The following ZNF169 variants were observed in gnomAD, a reference collection of about 807,000 sequenced individuals.
ZNF169 encodes zinc finger protein 169.
ZNF169 carries 11 observed loss-of-function variants against 12.0 expected under a neutral mutation model. The ratio of observed to expected loss-of-function variants is 0.92; its 90% CI spans 0.58 to 1.52. The LOEUF (loss-of-function observed/expected upper bound fraction) is 1.52, where lower values mean the gene tolerates loss of function less well. ZNF169 is among the 40% of genes most tolerant of loss of function. The pLI is 0.00. For synonymous variants in ZNF169, 302 were observed against 286.5 expected (o/e 1.05, Z -0.55); for missense variants, 722 against 744.0 (o/e 0.97, Z 0.34).
At chr9:94,269,398 T>G (rs1273839412) in intron 1 of ZNF169, among the ~76,000 whole-genome samples, 2 of 152,112 alleles carry the variant, frequency 1.3e-5, no homozygotes, top group Admixed American at 1.3e-4. Flanking sequence ...GCCCATCCAC[T>G]CCTGATCTCC....
At chr9:94,271,718 CAAAAAA>C (rs58733917) in intron 1 of ZNF169, among the ~76,000 whole-genome samples, 2 of 64,824 alleles carry the variant, frequency 3.1e-5, no homozygotes, top group Admixed American at 1.7e-4. Context: ...GACTCTGTCT[CAAAAAA>C]AAAAAAAAAA....
At position 94,301,385 on chromosome 9, in the gene ZNF169, G is replaced by A. The variant is rs374243714; in HGVS notation, c.*15G>A. On this transcript the variant is annotated 3_prime_UTR_variant, in exon 5 of 5. Coordinates refer to ENST00000395395, the MANE Select transcript of ZNF169 (RefSeq NM_194320.4). ...AGGTCTTCTGACCTTTCCTTTCCCC[G>A]TGAGTGTGAAGCTGGCAGAAATCAC... The A allele has an allele frequency of 1.3e-5, 20 of 1,578,266 alleles. No individual in the cohort carries two copies. The African/African-American group carries it at 2.2e-4, about 17-fold the overall frequency.
intron 2 of ZNF169, among the ~76,000 whole-genome samples, chr9:94,280,543 G>A (rs535626078): frequency 3.9e-5 from 6 of 152,220 alleles, no homozygotes; most frequent in Admixed American, 6.5e-5. Context: ...TTGTTCCTCA[G>A]TGCTGCAAAG....
At chr9:94,289,184 A>C (rs1830778838) in intron 2 of ZNF169, among the ~76,000 whole-genome samples, 1 of 151,364 alleles carries the variant, frequency 6.6e-6, no homozygotes, top group Non-Finnish European at 1.5e-5. Flanking sequence ...GGATTGCTGG[A>C]GCTCAGGAGT....
At chr9:94,260,037 G>T (rs1830172324) in intron 1 of ZNF169, among the ~76,000 whole-genome samples, 1 of 151,474 alleles carries the variant, frequency 6.6e-6, no homozygotes, top group East Asian at 1.9e-4. Context: ...TCAGCCTCCC[G>T]AGCAGCTGGG....
At chr9:94,274,317 C>G (rs1830483619) in intron 1 of ZNF169, among the ~76,000 whole-genome samples, 1 of 152,110 alleles carries the variant, frequency 6.6e-6, no homozygotes, top group Non-Finnish European at 1.5e-5. Context: ...TGGAACAGCT[C>G]CAAGTCACAA....
chr9:94,270,827 TAAA>T lies in ZNF169; in HGVS notation c.-55-7929_-55-7927del, dbSNP rs1228424493. Among the ~76,000 whole-genome samples the T allele has an allele frequency of 7.0e-5, 3 of 42,592 alleles. 1 individual carries two copies. The highest frequency in any genetic ancestry group is 2.7e-4 in the African/African-American group (3 of 11,204). 27.9% of individuals were successfully genotyped at this position (42,592 alleles called of 152,430 possible). A position where few individuals can be genotyped will look rare whatever the true frequency, so the allele number is the denominator to read the frequency against. On this transcript the variant is annotated intron_variant, in intron 1 of 4. Coordinates refer to ENST00000395395, the MANE Select transcript of ZNF169 (RefSeq NM_194320.4). ...ATATATTATATTATATAAATATATA[TAAA>T]ATATATATATTATATTATATAAATA...
intron 1 of ZNF169, among the ~76,000 whole-genome samples, chr9:94,260,871 A>T (rs1830192443): frequency 8.4e-6 from 1 of 119,278 alleles, no homozygotes; most frequent in Non-Finnish European, 1.6e-5. Context: ...CCCAGGCTGG[A>T]GTGCAGTGGA....
chr9:94,271,680 A>T (rs963685476), intron 1 of ZNF169, among the ~76,000 whole-genome samples: 1 of 142,708 alleles, frequency 7.0e-6, no homozygotes, highest in African/African-American at 2.6e-5. Context: ...AGATTGTGCC[A>T]TTGCACTCCA....
intron 2 of ZNF169, among the ~76,000 whole-genome samples, chr9:94,290,531 A>G (rs771032624): frequency 7.2e-5 from 11 of 152,180 alleles, no homozygotes; most frequent in Non-Finnish European, 5.9e-5. Context: ...GTCACTTGGC[A>G]TATTTTCAAG....
rs768022096 is a variant in ZNF169 at position 94,299,910 on chromosome 9, C to G, written c.352C>G (p.Gln118Glu). The G allele has an allele frequency of 6.2e-7, 1 of 1,614,160 alleles. No homozygotes were observed. Among genetic ancestry groups the G allele is most frequent in the Non-Finnish European group, 8.5e-7 (1 of 1,180,042 alleles). ...ATATGCGCTAAGTGGCCATCCCACA[C>G]AGATCTTCCCAAGCTCATCTGCAGG... ...RQYALSGHPT[Q>E]IFPSSSAGGD... The change falls in exon 5 of 5, where the codon CAG becomes GAG. Residue 118 changes from glutamine to glutamate, a missense_variant. By Grantham distance (29) the Gln-to-Glu change is conservative. Coordinates refer to ENST00000395395, the MANE Select transcript of ZNF169 (RefSeq NM_194320.4).
At chr9:94,267,874 T>TTTA (rs1830321902) in intron 1 of ZNF169, among the ~76,000 whole-genome samples, 1 of 149,188 alleles carries the variant, frequency 6.7e-6, no homozygotes, top group African/African-American at 2.5e-5. Context: ...TTTTTTTTTT[T>TTTA]TTTTTTTTGA....
At chr9:94,293,373 G>C in intron 4 of ZNF169, 1 of 607,286 alleles carries the variant, frequency 1.6e-6, no homozygotes, top group South Asian at 2.1e-5. Flanking sequence ...CTTCAAAACA[G>C]TACCTGTCCT....
intron 4 of ZNF169, among the ~76,000 whole-genome samples, chr9:94,296,279 T>C (rs1830948898): frequency 6.6e-6 from 1 of 152,240 alleles, no homozygotes; most frequent in South Asian, 2.1e-4. Context: ...AGAAGTCCAT[T>C]ATCAGATATA....
At position 94,300,425 on chromosome 9, in the gene ZNF169, G is replaced by C. The variant is rs762779805; in HGVS notation, c.867G>C (p.Pro289=). The C allele has an allele frequency of 8.1e-6, 13 of 1,612,760 alleles. No homozygotes were observed. Among genetic ancestry groups the C allele is most frequent in the Non-Finnish European group, 1.1e-5 (13 of 1,179,658 alleles). ...AGAGGAAGCACTCGGGGGAGAAGCC[G>C]TATGTGTGCAGGGAATGTGGGCGAC... The part of the protein sequence containing the change: ...IHQRKHSGEK[P]YVCRECGRHF... Residue 289 remains proline, a synonymous_variant, in exon 5 of 5, where the codon CCG becomes CCC. Coordinates refer to ENST00000395395, the MANE Select transcript of ZNF169 (RefSeq NM_194320.4).
At chr9:94,285,891 A>T (rs1416324814) in intron 2 of ZNF169, among the ~76,000 whole-genome samples, 1 of 152,072 alleles carries the variant, frequency 6.6e-6, no homozygotes, top group Non-Finnish European at 1.5e-5. Flanking sequence ...CATGCCTGTA[A>T]TCCCAGCTGC....
intron 4 of ZNF169, chr9:94,294,499 G>A (rs1381989164): frequency 6.6e-6 from 1 of 152,046 alleles, no homozygotes; most frequent in Admixed American, 6.6e-5. Flanking sequence ...GGCATGCATA[G>A]CCTCAACTTA....
intron 2 of ZNF169, among the ~76,000 whole-genome samples, chr9:94,286,247 A>G (rs1830717908): frequency 6.6e-6 from 1 of 152,198 alleles, no homozygotes; most frequent in Non-Finnish European, 1.5e-5. Flanking sequence ...ACTGTTGAGA[A>G]AGAATTCTTG....
At chr9:94,274,329 T>C (rs1267854662) in intron 1 of ZNF169, among the ~76,000 whole-genome samples, 1 of 152,186 alleles carries the variant, frequency 6.6e-6, no homozygotes, top group East Asian at 1.9e-4. Context: ...AAGTCACAAA[T>C]TTGGTAAGTT....
Sources: gnomAD v4.1 joint callset for allele counts (sites outside exome capture counted in the v4.1 genomes callset) on GRCh38, gnomAD v4.1.1 for gene constraint, MANE v1.5 for transcripts, NCBI Gene and HGNC (gene_info 2026-07-23, HGNC 2026-07-21) for gene names.